TRAPPC9: variants seen among roughly 807,000 people sequenced by gnomAD.
The protein encoded by TRAPPC9 is trafficking protein particle complex subunit 9.
TRAPPC9 carries 83 observed loss-of-function variants against 124.0 expected under a neutral mutation model. The observed-to-expected ratio is 0.67, with a 90% CI of 0.56 to 0.80. The LOEUF (loss-of-function observed/expected upper bound fraction) is 0.80. Among genes scored for constraint, TRAPPC9 ranks in the 30% least tolerant of loss-of-function variants. The pLI, the probability that TRAPPC9 is intolerant of heterozygous loss-of-function variation, is 0.00. For synonymous variants in TRAPPC9, 638 were observed against 617.5 expected (o/e 1.03, Z -0.49); for missense variants, 1,302 against 1,508.3 (o/e 0.86, Z 2.27).
intron 21 of TRAPPC9, among the ~76,000 whole-genome samples, chr8:139,841,008 T>C (rs1356690725): frequency 6.6e-6 from 1 of 152,186 alleles, no homozygotes; most frequent in Non-Finnish European, 1.5e-5. Flanking sequence ...ACAAATTCAC[T>C]GTCTTGAAAT....
In TRAPPC9 at chr8:140,281,229, G is replaced by A. The variant is rs756129776; in HGVS notation, c.2114+2660C>T. 3.4e-4 allele frequency among the ~76,000 whole-genome samples: 52 copies of A among 152,206 alleles called. 1 individual carries two copies. Among genetic ancestry groups the A allele is most frequent in the Non-Finnish European group, 1.3e-4 (9 of 68,042 alleles). On this transcript the variant is annotated intron_variant, in intron 14 of 22. Transcript: ENST00000438773. ...GAAACTGCCAATGTATTTTCAAAAG[G>A]GATGTCCCATCAGCATCCCCATCGG...
intron 17 of TRAPPC9, among the ~76,000 whole-genome samples, chr8:140,192,896 G>C (rs1398000561): frequency 6.6e-6 from 1 of 152,176 alleles, no homozygotes; most frequent in Non-Finnish European, 1.5e-5. Context: ...TCCTGCCTCA[G>C]CCTCCTGAGT....
At chr8:139,818,740 G>C (rs1245876965) in intron 21 of TRAPPC9, among the ~76,000 whole-genome samples, 4 of 152,198 alleles carry the variant, frequency 2.6e-5, no homozygotes, top group Non-Finnish European at 5.9e-5. Flanking sequence ...GATGTTAACT[G>C]GCTTATGAAA....
At chr8:139,909,825 C>T (rs570514471) in intron 20 of TRAPPC9, among the ~76,000 whole-genome samples, 1 of 152,236 alleles carries the variant, frequency 6.6e-6, no homozygotes, top group Non-Finnish European at 1.5e-5. Context: ...ACCCCCTGAG[C>T]CCGGCACTGA....
chr8:140,335,940 T>C (rs2067022726), intron 9 of TRAPPC9, among the ~76,000 whole-genome samples: 1 of 152,050 alleles, frequency 6.6e-6, no homozygotes, highest in Non-Finnish European at 1.5e-5. Context: ...ACTCCTGACC[T>C]CAAGTGGTAG....
In TRAPPC9 at chr8:140,451,360, T is replaced by C. The variant is rs770058674; in HGVS notation, c.14A>G (p.Asp5Gly). ...GTGGTCCTCAGCACACTGCATGTAG[T>C]CAGGGACGCTCATTTTGAAGTCCCT... MSVP[D>G]YMQCAEDHQT... Residue 5 changes from aspartate (D) to glycine (G), a missense_variant, in exon 2 of 23, where the codon GAC becomes GGC. Physicochemically the swap from Asp to Gly is moderately conservative, Grantham distance 94. Around this residue, in one of 3 missense-constraint regions of TRAPPC9, gnomAD observed 657 missense variants for 811.2 expected, o/e 0.81. Coordinates refer to ENST00000438773, the MANE Select transcript of TRAPPC9 (RefSeq NM_001160372.4). 6.2e-7 allele frequency: 1 copy of C among 1,603,282 alleles called. No individual in the cohort carries two copies. Among genetic ancestry groups the C allele is most frequent in the Non-Finnish European group, 8.5e-7 (1 of 1,179,960 alleles).
intron 17 of TRAPPC9, among the ~76,000 whole-genome samples, chr8:140,204,243 A>G (rs1214583822): frequency 6.6e-6 from 1 of 151,982 alleles, no homozygotes; most frequent in East Asian, 1.9e-4. Flanking sequence ...TCAATGATAG[A>G]CTGGATTAAG....
intron 17 of TRAPPC9, among the ~76,000 whole-genome samples, chr8:140,066,171 G>A (rs536015485): frequency 6.6e-6 from 1 of 152,332 alleles, no homozygotes; most frequent in Admixed American, 6.5e-5. Context: ...CTGCAGATAT[G>A]GTAGAAATAG....
intron 18 of TRAPPC9, among the ~76,000 whole-genome samples, chr8:140,008,255 C>T (rs1244835369): frequency 6.6e-6 from 1 of 152,222 alleles, no homozygotes; most frequent in Non-Finnish European, 1.5e-5. Context: ...CAGGGTGCTG[C>T]GTGGAGCCTG....
intron 19 of TRAPPC9, among the ~76,000 whole-genome samples, chr8:139,938,623 C>T (rs549039082): frequency 6.6e-6 from 1 of 151,556 alleles, no homozygotes; most frequent in East Asian, 2.0e-4. Context: ...CCTTGAGACA[C>T]ACAGAGCTAT....
intron 5 of TRAPPC9, among the ~76,000 whole-genome samples, chr8:140,419,612 G>T (rs1426968454): frequency 2.0e-5 from 3 of 151,876 alleles, no homozygotes; most frequent in Non-Finnish European, 2.9e-5. Flanking sequence ...GAGGCCGGGT[G>T]CGGTGGCTCA....
intron 7 of TRAPPC9, among the ~76,000 whole-genome samples, chr8:140,392,214 C>T (rs1196142713): frequency 1.3e-5 from 2 of 152,080 alleles, no homozygotes; most frequent in African/African-American, 2.4e-5. Flanking sequence ...TAAAATGGAG[C>T]GTAATAAACT....
intron 19 of TRAPPC9, among the ~76,000 whole-genome samples, chr8:139,943,217 C>A (rs900859602): frequency 2.0e-5 from 3 of 152,176 alleles, no homozygotes; most frequent in Non-Finnish European, 4.4e-5. Flanking sequence ...CAGGTGCATA[C>A]CACCACGCCC....
At chr8:140,305,859 T>G (rs1012451942) in intron 10 of TRAPPC9, among the ~76,000 whole-genome samples, 8 of 152,284 alleles carry the variant, frequency 5.3e-5, no homozygotes, top group African/African-American at 1.9e-4. Context: ...CTCATCAACC[T>G]CAGTTCAAGA....
At chr8:139,845,462 A>G (rs1827014389) in intron 21 of TRAPPC9, among the ~76,000 whole-genome samples, 1 of 152,214 alleles carries the variant, frequency 6.6e-6, no homozygotes, top group Non-Finnish European at 1.5e-5. Context: ...AAAGAATGGA[A>G]CCCCAATATT....
At chr8:140,150,823 C>CCG (rs386414217) in intron 17 of TRAPPC9, among the ~76,000 whole-genome samples, 1 of 151,294 alleles carries the variant, frequency 6.6e-6, no homozygotes, top group African/African-American at 2.4e-5. Context: ...CTCGGCCACC[C>CCG]CTCTGTCACC....
chr8:140,338,208 G>A (rs1276934432), intron 9 of TRAPPC9, among the ~76,000 whole-genome samples: 1 of 152,096 alleles, frequency 6.6e-6, no homozygotes, highest in Non-Finnish European at 1.5e-5. Context: ...TGGCTGCATG[G>A]GCCAAATAAC....
chr8:140,415,063 T>G (rs1489170331), intron 5 of TRAPPC9, among the ~76,000 whole-genome samples: 1 of 152,042 alleles, frequency 6.6e-6, no homozygotes, highest in Non-Finnish European at 1.5e-5. Context: ...ATACTTTGAT[T>G]AGCTGGGTAT....
rs75180283 is a variant in TRAPPC9 at position 139,975,314 on chromosome 8, C to T, written c.2810+13412G>A. The stretch of plus-strand genomic sequence containing the variant: ...ACACAGGTTCTGTGACTTCCCTGAA[C>T]GTCAGAGCACCTGGAGGGCCTCTTA... On this transcript the variant is annotated intron_variant, in intron 19 of 22. Transcript: ENST00000438773. Among the ~76,000 whole-genome samples, 1,486 of 152,338 alleles carry T rather than the reference C, an allele frequency of 9.8e-3. 27 individuals carry two copies. The highest frequency in any genetic ancestry group is 0.034 in the African/African-American group (1,417 of 41,582).
Sources: allele counts gnomAD v4.1 joint callset (sites outside exome capture counted in the v4.1 genomes callset), GRCh38; gene constraint gnomAD v4.1.1; regional missense constraint gnomAD v4.1.1; transcripts MANE v1.5; gene names NCBI Gene and HGNC (gene_info 2026-07-23, HGNC 2026-07-21).